The following RNF2 variants were observed in gnomAD, a reference collection of about 807,000 sequenced individuals.
RNF2 encodes the protein ring finger protein 2, also known as E3 ubiquitin-protein ligase RING2.
RNF2 carries 6 observed loss-of-function variants against 37.2 expected under a neutral mutation model. The ratio of observed to expected loss-of-function variants is 0.16; its 90% CI spans 0.09 to 0.32. The LOEUF is 0.32. RNF2 is among the 10% of genes least tolerant of loss of function. The pLI is 1.00. For synonymous variants in RNF2, 133 were observed against 132.7 expected (o/e 1.00, Z -0.02); for missense variants, 251 against 404.0 (o/e 0.62, Z 3.25).
chr1:185,054,132 T>A (rs1418944602), intron 1 of RNF2, among the ~76,000 whole-genome samples: 1 of 152,222 alleles, frequency 6.6e-6, no homozygotes, highest in Non-Finnish European at 1.5e-5. Flanking sequence ...GATATATACT[T>A]TAAAAACGTC....
chr1:185,096,038 T>C (rs1019544898), intron 4 of RNF2, among the ~76,000 whole-genome samples: 5 of 152,204 alleles, frequency 3.3e-5, no homozygotes, highest in Non-Finnish European at 7.4e-5. Flanking sequence ...GTTACATTAA[T>C]ATAGCTCTGT....
chr1:185,077,359 CT>C (rs1403614429), intron 1 of RNF2, among the ~76,000 whole-genome samples: 1 of 151,530 alleles, frequency 6.6e-6, no homozygotes, highest in Non-Finnish European at 1.5e-5. Context: ...TGACGTAGGA[CT>C]TTCAGCAGAG....
At chr1:185,092,558 A>T (rs1651799713) in intron 3 of RNF2, among the ~76,000 whole-genome samples, 3 of 152,174 alleles carry the variant, frequency 2.0e-5, no homozygotes, top group South Asian at 2.1e-4. Context: ...AAATCTTTGT[A>T]TTGAAATCGC....
chr1:185,061,356 T>C (rs1650597731), intron 1 of RNF2, among the ~76,000 whole-genome samples: 1 of 151,432 alleles, frequency 6.6e-6, no homozygotes, highest in Non-Finnish European at 1.5e-5. Context: ...CTCAAGACCC[T>C]ATCTCTTAAA....
chr1:185,065,873 T>C (rs560562670), intron 1 of RNF2, among the ~76,000 whole-genome samples: 21 of 152,174 alleles, frequency 1.4e-4, no homozygotes, highest in African/African-American at 4.3e-4. Context: ...TTCCTTTTTT[T>C]CCCCCCTACT....
intron 4 of RNF2, among the ~76,000 whole-genome samples, chr1:185,097,640 C>T (rs532588535): frequency 6.6e-6 from 1 of 152,342 alleles, no homozygotes; most frequent in East Asian, 1.9e-4. Context: ...CTCAAGCCAT[C>T]CTCCTGTCTC....
At chr1:185,093,935 CT>C (rs978998605) in intron 4 of RNF2, among the ~76,000 whole-genome samples, 107 of 152,278 alleles carry the variant, frequency 7.0e-4, no homozygotes, top group African/African-American at 2.5e-3. Context: ...CATCTGTATG[CT>C]GATGACTCCC....
intron 1 of RNF2, among the ~76,000 whole-genome samples, chr1:185,047,275 G>C (rs954601697): frequency 6.6e-6 from 1 of 152,190 alleles, no homozygotes; most frequent in Non-Finnish European, 1.5e-5. Flanking sequence ...TGAAAAATAA[G>C]CTAGTTGTCC....
chr1:185,052,518 A>C (rs571881585), intron 1 of RNF2, among the ~76,000 whole-genome samples: 1 of 152,326 alleles, frequency 6.6e-6, no homozygotes, highest in Non-Finnish European at 1.5e-5. Flanking sequence ...AGAATAGAAA[A>C]ATCCATAGAT....
chr1:185,050,604 T>C (rs1469869719), intron 1 of RNF2, among the ~76,000 whole-genome samples: 2 of 152,228 alleles, frequency 1.3e-5, no homozygotes, highest in African/African-American at 2.4e-5. Context: ...CAGTGGCTGA[T>C]GGAAATAAAA....
chr1:185,099,742 C>G lies in RNF2; in HGVS notation c.738-49C>G, dbSNP rs189341937. On this transcript the variant is annotated intron_variant, in intron 5 of 6. Transcript: ENST00000367510. ...AGTTCCATAATTTAAGTACATTTTT[C>G]TCATTGGCATATTCTAGAAATGAAA... The G allele has an allele frequency of 1.9e-4, 281 of 1,476,708 alleles. 4 individuals are homozygous for G. The East Asian group carries it at 2.8e-3, about 15-fold the overall frequency. The allele number at this position is 1,476,708 out of a possible 1,614,324, so 91.5% of individuals were successfully genotyped here. A position where few individuals can be genotyped will look rare whatever the true frequency, so the allele number is the denominator to read the frequency against.
At chr1:185,092,080 C>G (rs1651781494) in intron 3 of RNF2, 1 of 183,168 alleles carries the variant, frequency 5.5e-6, no homozygotes, top group African/African-American at 2.4e-5. Flanking sequence ...CCACCCGCCT[C>G]AGTCTCCCAA....
rs184558757 is a variant in RNF2 at position 185,079,684 on chromosome 1, C to T, written c.-2-7868C>T. ...GTGGCTCACGCCTGTAATCCCAGCA[C>T]TTTGGGAGGCTGAGGTGGGCGGATC... On this transcript the variant is annotated intron_variant, in intron 1 of 6. Transcript: ENST00000367510. 4.6e-3 allele frequency among the ~76,000 whole-genome samples: 700 copies of T among 152,232 alleles called. 5 individuals carry two copies. Among genetic ancestry groups the T allele is most frequent in the Middle Eastern group, 6.8e-3 (2 of 292 alleles).
chr1:185,077,731 CT>C (rs1222518173), intron 1 of RNF2, among the ~76,000 whole-genome samples: 6 of 122,928 alleles, frequency 4.9e-5, no homozygotes, highest in Non-Finnish European at 9.9e-5. Context: ...TTTTTTTGGG[CT>C]GTTGTTGTTT....
At chr1:185,068,184 G>A (rs1650857703) in intron 1 of RNF2, among the ~76,000 whole-genome samples, 1 of 152,126 alleles carries the variant, frequency 6.6e-6, no homozygotes, top group Non-Finnish European at 1.5e-5. Flanking sequence ...AACAAATTAA[G>A]GAAACAGCAT....
intron 1 of RNF2, among the ~76,000 whole-genome samples, chr1:185,067,577 CAT>C (rs2102168171): frequency 6.6e-6 from 1 of 152,050 alleles, no homozygotes; most frequent in South Asian, 2.1e-4. Context: ...GAGAGAAAAA[CAT>C]ATCTCATTAA....
At position 185,078,544 on chromosome 1, in the gene RNF2, A is replaced by G. The variant is rs191992477; in HGVS notation, c.-2-9008A>G. Reference sequence around the variant, plus strand: ...GTTTAACTCATAAAGTATCAGCATTAGTAAGCAGTAATTCTTTCTGAGTGA... The same window carrying G: ...GTTTAACTCATAAAGTATCAGCATTGGTAAGCAGTAATTCTTTCTGAGTGA... On this transcript the variant is annotated intron_variant, in intron 1 of 6. Coordinates refer to ENST00000367510, the MANE Select transcript of RNF2 (RefSeq NM_007212.4). 1.9e-3 allele frequency among the ~76,000 whole-genome samples: 287 copies of G among 152,324 alleles called. 14 individuals are homozygous for G. The South Asian group carries it at 0.048, about 26-fold the overall frequency.
chr1:185,089,208 C>G (rs1249914473), intron 2 of RNF2, among the ~76,000 whole-genome samples: 1 of 152,210 alleles, frequency 6.6e-6, no homozygotes, highest in Non-Finnish European at 1.5e-5. Flanking sequence ...CACCACTGAT[C>G]TGACAGGAGG....
chr1:185,061,317 C>T (rs1455355589), intron 1 of RNF2, among the ~76,000 whole-genome samples: 9 of 151,230 alleles, frequency 6.0e-5, no homozygotes, highest in Non-Finnish European at 8.8e-5. Context: ...TTAGTAGAGA[C>T]GGGGTTTCAC....
Sources: allele counts gnomAD v4.1 joint callset (sites outside exome capture counted in the v4.1 genomes callset), GRCh38; gene constraint gnomAD v4.1.1; transcripts MANE v1.5; gene names NCBI Gene and HGNC (gene_info 2026-07-23, HGNC 2026-07-21).